Variants in CTNNA2 observed in about 807,000 individuals in gnomAD.
CTNNA2 encodes catenin alpha-2.
In CTNNA2, 42 loss-of-function variants were observed where a neutral mutation model predicts 101.0. The observed-to-expected ratio is 0.42, with a 90% CI of 0.32 to 0.54. The LOEUF is 0.54. Among genes scored for constraint, CTNNA2 ranks in the 20% least tolerant of loss-of-function variants. The probability of loss-of-function intolerance (pLI) is 0.14; values close to 1 mark genes in which losing one functional copy is unlikely to be tolerated. For synonymous variants in CTNNA2, 450 were observed against 456.4 expected (o/e 0.99, Z 0.18); for missense variants, 871 against 1,223.1 (o/e 0.71, Z 4.29).
chr2:80,544,303 GA>G (rs1044466050), intron 9 of CTNNA2, among the ~76,000 whole-genome samples: 111 of 147,302 alleles, frequency 7.5e-4, no homozygotes, highest in African/African-American at 1.5e-3. Flanking sequence ...CAAGGAGGGG[GA>G]AAAAAAAAAC....
chr2:79,786,132 C>T (rs1345656931), intron 3 of CTNNA2, among the ~76,000 whole-genome samples: 1 of 151,072 alleles, frequency 6.6e-6, no homozygotes, highest in Non-Finnish European at 1.5e-5. Context: ...AAAACACTAA[C>T]AAGTGCTTCA....
At chr2:80,543,026 C>T (rs1391802834) in intron 9 of CTNNA2, among the ~76,000 whole-genome samples, 2 of 152,138 alleles carry the variant, frequency 1.3e-5, no homozygotes, top group African/African-American at 4.8e-5. Flanking sequence ...AAGGGTGAAG[C>T]TCAACTGTAT....
intron 3 of CTNNA2, among the ~76,000 whole-genome samples, chr2:79,757,346 T>G (rs1252903605): frequency 6.6e-6 from 1 of 152,190 alleles, no homozygotes; most frequent in Non-Finnish European, 1.5e-5. Flanking sequence ...GCCGAACTAT[T>G]CTTATTTTTA....
intron 3 of CTNNA2, among the ~76,000 whole-genome samples, chr2:79,325,696 T>C (rs1027061110): frequency 1.3e-5 from 2 of 152,200 alleles, no homozygotes; most frequent in African/African-American, 2.4e-5. Flanking sequence ...ACCTTCTCCA[T>C]CCAGGCAGCC....
At chr2:79,403,891 T>C (rs1352319888) in intron 4 of CTNNA2, among the ~76,000 whole-genome samples, 1 of 151,980 alleles carries the variant, frequency 6.6e-6, no homozygotes, top group African/African-American at 2.4e-5. Flanking sequence ...ATAGATATCC[T>C]AGCATTCACA....
At chr2:79,930,902 C>G (rs936468983) in intron 7 of CTNNA2, among the ~76,000 whole-genome samples, 2 of 152,206 alleles carry the variant, frequency 1.3e-5, no homozygotes, top group Non-Finnish European at 2.9e-5. Flanking sequence ...AAGTATTACT[C>G]AACAGTATGA....
At chr2:80,008,414 G>A (rs1693530128) in intron 7 of CTNNA2, among the ~76,000 whole-genome samples, 3 of 152,220 alleles carry the variant, frequency 2.0e-5, no homozygotes, top group African/African-American at 4.8e-5. Context: ...TTCTCCCCAG[G>A]CACTCACTAC....
At chr2:79,668,590 T>C (rs571388633) in intron 2 of CTNNA2, among the ~76,000 whole-genome samples, 1 of 152,220 alleles carries the variant, frequency 6.6e-6, no homozygotes, top group Non-Finnish European at 1.5e-5. Flanking sequence ...TTCTACTTAC[T>C]TTTCTCATAA....
At chr2:80,390,924 G>A (rs1007619522) in intron 7 of CTNNA2, among the ~76,000 whole-genome samples, 1 of 152,058 alleles carries the variant, frequency 6.6e-6, no homozygotes, top group African/African-American at 2.4e-5. Context: ...AAGGTCAGGA[G>A]TTTGAGACCA....
chr2:80,044,479 A>G (rs1207222104), intron 7 of CTNNA2, among the ~76,000 whole-genome samples: 2 of 152,162 alleles, frequency 1.3e-5, no homozygotes, highest in Non-Finnish European at 2.9e-5. Flanking sequence ...TGCCATTATG[A>G]AAAAAATACA....
At chr2:79,561,646 A>G (rs1216437734) in intron 1 of CTNNA2, among the ~76,000 whole-genome samples, 1 of 151,678 alleles carries the variant, frequency 6.6e-6, no homozygotes, top group East Asian at 1.9e-4. Flanking sequence ...GTGAAGTGGT[A>G]TCTTCTTGTG....
At chr2:79,835,497 T>C (rs73941328) in intron 3 of CTNNA2, among the ~76,000 whole-genome samples, 4,425 of 152,012 alleles carry the variant, frequency 0.029, 226 homozygotes, top group African/African-American at 0.1. Context: ...GCTTGTTCAT[T>C]GGGCAATTGA....
chr2:79,479,159 G>A (rs138722524), intron 4 of CTNNA2, among the ~76,000 whole-genome samples: 1 of 152,126 alleles, frequency 6.6e-6, no homozygotes, highest in Non-Finnish European at 1.5e-5. Context: ...AAAACTCAAT[G>A]CATTTAAAAT....
At chr2:79,892,607 T>C (rs1395757238) in intron 6 of CTNNA2, among the ~76,000 whole-genome samples, 2 of 152,234 alleles carry the variant, frequency 1.3e-5, no homozygotes, top group East Asian at 3.8e-4. Context: ...GGCACTTGTA[T>C]TTTATCCCCA....
chr2:79,810,707 G>T (rs932145657), intron 3 of CTNNA2, among the ~76,000 whole-genome samples: 2 of 151,118 alleles, frequency 1.3e-5, no homozygotes, highest in Admixed American at 6.6e-5. Flanking sequence ...GCCCTGGTGT[G>T]TGATGTTCCC....
chr2:80,370,396 A>C (rs1675334977), intron 7 of CTNNA2, among the ~76,000 whole-genome samples: 1 of 152,072 alleles, frequency 6.6e-6, no homozygotes, highest in Admixed American at 6.6e-5. Context: ...TACTTTATTC[A>C]TATAAATATT....
intron 15 of CTNNA2, chr2:80,601,803 C>A (rs761807699): frequency 5.9e-5 from 9 of 151,936 alleles, no homozygotes; most frequent in Non-Finnish European, 1.2e-4. Context: ...TTTTTTCCAA[C>A]CTCTTCTTTC....
In CTNNA2 at chr2:79,806,781, C is replaced by T. The variant is rs564507868; in HGVS notation, c.299-51232C>T. On this transcript the variant is annotated intron_variant, in intron 3 of 18. Transcript: ENST00000402739. ...TCCTCCTGCTTGAAAGTTATAGCATCTCTGGGATAAGTCTCTTCTTGAGTT... is the reference window on the plus strand; with the variant it reads ...TCCTCCTGCTTGAAAGTTATAGCATTTCTGGGATAAGTCTCTTCTTGAGTT... Among the ~76,000 whole-genome samples the T allele has an allele frequency of 4.6e-5, 7 of 152,108 alleles. No homozygotes were observed. The South Asian group carries it at 1.5e-3, about 32-fold the overall frequency.
At chr2:80,457,087 T>G (rs764047431) in intron 9 of CTNNA2, among the ~76,000 whole-genome samples, 31 of 150,902 alleles carry the variant, frequency 2.1e-4, no homozygotes, top group Non-Finnish European at 4.1e-4. Flanking sequence ...ATTTTACATG[T>G]TTTTTTTTGG....
Sources: allele counts gnomAD v4.1 joint callset (sites outside exome capture counted in the v4.1 genomes callset), GRCh38; gene constraint gnomAD v4.1.1; transcripts MANE v1.5; gene names NCBI Gene and HGNC (gene_info 2026-07-23, HGNC 2026-07-21).